The following FRY variants were observed in gnomAD, a reference collection of about 807,000 sequenced individuals.
FRY encodes the protein protein furry homolog.
In FRY, 128 loss-of-function variants were observed where a neutral mutation model predicts 348.4. That is an observed-to-expected ratio of 0.37 (90% CI 0.32 to 0.43). The LOEUF (loss-of-function observed/expected upper bound fraction) is 0.43, where lower values mean the gene tolerates loss of function less well. FRY is among the 20% of genes least tolerant of loss of function. The pLI is 1.00. For missense variants in FRY, 2,736 were observed against 3,695.2 expected, an observed-to-expected ratio of 0.74 and a Z score of 6.73; for synonymous variants, 1,370 against 1,374.7, an observed-to-expected ratio of 1.00 and a Z score of 0.08.
chr13:32,291,040 C>T (rs9595279), intron 59 of FRY, among the ~76,000 whole-genome samples: 58,138 of 151,554 alleles, frequency 0.38, 11,632 homozygotes, highest in African/African-American at 0.48. Flanking sequence ...GGTGGTTAGA[C>T]GTGAGGTCAG....
chr13:32,039,924 G>A (rs984183985), intron 1 of FRY, among the ~76,000 whole-genome samples: 2 of 152,194 alleles, frequency 1.3e-5, no homozygotes, highest in Non-Finnish European at 2.9e-5. Context: ...TGCTTCTGCT[G>A]TTCTTAATCA....
intron 3 of FRY, among the ~76,000 whole-genome samples, chr13:32,109,979 C>G (rs1422062136): frequency 6.6e-6 from 1 of 152,030 alleles, no homozygotes; most frequent in African/African-American, 2.4e-5. Context: ...CAGGGATGGC[C>G]CATCACAGCA....
chr13:32,229,222 T>C (rs1885778859), intron 40 of FRY, among the ~76,000 whole-genome samples: 1 of 152,242 alleles, frequency 6.6e-6, no homozygotes, highest in Non-Finnish European at 1.5e-5. Flanking sequence ...TTAGGTCTTC[T>C]GGTTCTTCTT....
chr13:32,209,169 G>C, intron 32 of FRY, 60 bp downstream of exon 32: 3 of 1,595,120 alleles, frequency 1.9e-6, no homozygotes, highest in Non-Finnish European at 1.7e-6. Context: ...AAAAACCCTG[G>C]GTTAGTCAAA....
In FRY at chr13:32,041,351, T is replaced by C. The variant is rs139444718; in HGVS notation, c.70+9486T>C. Among the ~76,000 whole-genome samples, 623 of 134,282 alleles carry C rather than the reference T, an allele frequency of 4.6e-3. 2 individuals are homozygous for C. Among genetic ancestry groups the C allele is most frequent in the Non-Finnish European group, 6.4e-3 (415 of 65,090 alleles). The allele number at this position is 134,282 out of a possible 152,430, so 88.1% of individuals were successfully genotyped here. Reference sequence around the variant, plus strand: ...CTTTGTTGCCCAGGCTGAAGTGCAGTGGTGCAATCTGGGCTCACAGAAACC... The same window carrying C: ...CTTTGTTGCCCAGGCTGAAGTGCAGCGGTGCAATCTGGGCTCACAGAAACC... On this transcript the variant is annotated intron_variant, in intron 1 of 60. Coordinates refer to ENST00000542859, the MANE Select transcript of FRY (RefSeq NM_023037.3).
At chr13:32,226,202 A>G (rs1051237422) in intron 39 of FRY, among the ~76,000 whole-genome samples, 4 of 152,228 alleles carry the variant, frequency 2.6e-5, no homozygotes, top group East Asian at 1.9e-4. Context: ...CTGGTTATAT[A>G]TATGATTGCT....
At chr13:32,224,510 C>A in intron 37 of FRY, 125 bp downstream of exon 37, 1 of 826,784 alleles carries the variant, frequency 1.2e-6, no homozygotes, top group Non-Finnish European at 1.9e-6. Context: ...GGGATCCTGC[C>A]TGATTTGACT....
chr13:32,292,533 C>T (rs1014060166), intron 59 of FRY, among the ~76,000 whole-genome samples: 3 of 151,922 alleles, frequency 2.0e-5, no homozygotes, highest in Non-Finnish European at 2.9e-5. Context: ...GTGGCTCACG[C>T]CTGTAATCCC....
Position 32,249,601 on chromosome 13 carries a change from G to A in FRY, c.7084G>A (p.Val2362Ile), listed in dbSNP as rs190881153. 6.2e-6 allele frequency: 10 copies of A among 1,614,134 alleles called. No homozygotes were observed. The highest frequency in any genetic ancestry group is 4.5e-5 in the East Asian group (2 of 44,878). The change falls in exon 49 of 61, where the codon GTC (valine) becomes ATC (isoleucine). Residue 2362 changes from valine (V) to isoleucine (I), a missense_variant. This residue lies in a region of FRY where 789 missense variants were observed against 996.2 expected (regional missense o/e 0.79). Coordinates refer to ENST00000542859, the MANE Select transcript of FRY (RefSeq NM_023037.3). ...GRDGKPRAMAVTRSTSSTSSG... is the reference protein window; with the variant it reads ...GRDGKPRAMAITRSTSSTSSG... Reference sequence around the variant, plus strand: ...TGATGGGAAGCCCAGGGCCATGGCCGTCACCCGGAGCACATCTTCCACTTC... The same window carrying A: ...TGATGGGAAGCCCAGGGCCATGGCCATCACCCGGAGCACATCTTCCACTTC...
chr13:32,060,902 A>G, intron 1 of FRY: 1 of 356,760 alleles, frequency 2.8e-6, no homozygotes, highest in Non-Finnish European at 5.6e-6. Context: ...GGCCTGTTTT[A>G]GTTTGTCTTC....
At chr13:32,262,264 A>G (rs748888248) in intron 52 of FRY, 50 bp from the exon 53 acceptor site, 21 of 1,469,384 alleles carry the variant, frequency 1.4e-5, no homozygotes, top group Admixed American at 1.2e-4. Flanking sequence ...TGGAGCTTTT[A>G]AAGAATGGGA....
chr13:32,212,168 A>G (rs535731595), intron 34 of FRY, 124 bp from the exon 35 acceptor site: 8 of 679,642 alleles, frequency 1.2e-5, no homozygotes, highest in South Asian at 1.2e-4. Context: ...TGTGCAGAAG[A>G]TGTAAAAAAT....
rs755497037 is a variant in FRY at position 32,228,575 on chromosome 13, A to G, written c.5326A>G (p.Thr1776Ala). The change falls in exon 40 of 61, where the codon ACC (threonine) becomes GCC (alanine). Residue 1776 changes from threonine to alanine, a missense_variant. Coordinates refer to ENST00000542859, the MANE Select transcript of FRY (RefSeq NM_023037.3). The stretch of plus-strand genomic sequence containing the variant: ...CAGCAGTGGAAACCTCCCACAGATG[A>G]CCCAGGAGGTAGAAGATGTGGACAC... Reference protein sequence around the residue: ...GGSSGNLPQMTQEVEDVDTAA... With the variant: ...GGSSGNLPQMAQEVEDVDTAA... 1.9e-6 allele frequency: 3 copies of G among 1,613,996 alleles called. No individual in the cohort carries two copies. Among genetic ancestry groups the G allele is most frequent in the Non-Finnish European group, 2.5e-6 (3 of 1,179,886 alleles).
intron 29 of FRY, among the ~76,000 whole-genome samples, chr13:32,199,517 C>G (rs1488577495): frequency 3.3e-5 from 5 of 152,092 alleles, no homozygotes; most frequent in African/African-American, 1.2e-4. Context: ...ACTTGGAAGA[C>G]AGCTGAAATA....
intron 1 of FRY, among the ~76,000 whole-genome samples, chr13:32,064,244 C>T (rs1472243403): frequency 6.6e-6 from 1 of 152,088 alleles, no homozygotes; most frequent in East Asian, 1.9e-4. Flanking sequence ...TGAGCCATCA[C>T]CACATTCCCC....
intron 46 of FRY, among the ~76,000 whole-genome samples, chr13:32,242,333 A>AT (rs1886554205): frequency 6.6e-6 from 1 of 152,156 alleles, no homozygotes; most frequent in Non-Finnish European, 1.5e-5. Context: ...CTTCATAAAG[A>AT]TCCCCCCATT....
chr13:32,108,958 G>T (rs1053549224), intron 3 of FRY, among the ~76,000 whole-genome samples: 1 of 152,060 alleles, frequency 6.6e-6, no homozygotes, highest in Non-Finnish European at 1.5e-5. Context: ...CAGTGGGATG[G>T]GGCTGTATGC....
chr13:32,111,953 G>T (rs1249341482), intron 3 of FRY, among the ~76,000 whole-genome samples: 1 of 152,240 alleles, frequency 6.6e-6, no homozygotes, highest in Admixed American at 6.5e-5. Context: ...ATGCAGGACA[G>T]ACATTGCTCA....
At chr13:32,156,741 G>C (rs1359850970) in intron 15 of FRY, among the ~76,000 whole-genome samples, 7 of 152,018 alleles carry the variant, frequency 4.6e-5, no homozygotes, top group Admixed American at 4.6e-4. Flanking sequence ...TCCAGTGTGG[G>C]ACATCAACAC....
Sources: gnomAD v4.1 joint callset for allele counts (sites outside exome capture counted in the v4.1 genomes callset) on GRCh38, gnomAD v4.1.1 for gene constraint, gnomAD v4.1.1 regional missense constraint, MANE v1.5 for transcripts, NCBI Gene and HGNC (gene_info 2026-07-23, HGNC 2026-07-21) for gene names.